STK24: variants seen among roughly 807,000 people sequenced by gnomAD.
The protein encoded by STK24 is serine/threonine kinase 24, also known as serine/threonine-protein kinase 24.
STK24 carries 21 observed loss-of-function variants against 55.6 expected under a neutral mutation model. The observed-to-expected ratio is 0.38, with a 90% confidence interval of 0.27 to 0.54. STK24 has a LOEUF of 0.54. Among genes scored for constraint, STK24 ranks in the 20% least tolerant of loss-of-function variants. The pLI is 0.79. For missense variants in STK24, 383 were observed against 538.4 expected (o/e 0.71, Z 2.86); for synonymous variants, 200 against 215.2 (o/e 0.93, Z 0.62).
At chr13:98,563,045 C>T (rs1897469726) in intron 1 of STK24, among the ~76,000 whole-genome samples, 1 of 152,088 alleles carries the variant, frequency 6.6e-6, no homozygotes, top group East Asian at 1.9e-4. Context: ...CCTTCTCAGG[C>T]CTCCCAAGAA....
chr13:98,555,014 C>CAAAAAAAAAAAAAAAAA (rs398024117), intron 1 of STK24, among the ~76,000 whole-genome samples: 1 of 88,342 alleles, frequency 1.1e-5, no homozygotes, highest in Non-Finnish European at 2.2e-5. Flanking sequence ...GACTCCAACT[C>CAAAAAAAAAAAAAAAAA]AAAAAAAAAA....
intron 2 of STK24, among the ~76,000 whole-genome samples, chr13:98,512,333 T>C (rs986685611): frequency 1.3e-5 from 2 of 152,058 alleles, no homozygotes; most frequent in Non-Finnish European, 2.9e-5. Flanking sequence ...TGCCATGAAC[T>C]GCAAAATATG....
At chr13:98,523,318 G>T (rs761537136) in intron 1 of STK24, among the ~76,000 whole-genome samples, 14 of 152,198 alleles carry the variant, frequency 9.2e-5, no homozygotes, top group Admixed American at 3.9e-4. Context: ...CAGGCGACAA[G>T]AATTTATCCA....
rs1257960664 is a variant in STK24, at chr13:98,544,679, A to G, written c.43-25206T>C. On this transcript the variant is annotated intron_variant, in intron 1 of 10. Transcript: ENST00000539966. ...CACCGAGGCATGCGGAGACGCCTCTACAAGGAAAGACAGTGGTGAAAAAGA... is the reference window on the plus strand; with the variant it reads ...CACCGAGGCATGCGGAGACGCCTCTGCAAGGAAAGACAGTGGTGAAAAAGA... 2.0e-5 allele frequency among the ~76,000 whole-genome samples: 3 copies of G among 152,360 alleles called. No homozygotes were observed. In the East Asian group the frequency reaches 5.8e-4, roughly 29 times the overall value.
In STK24 at chr13:98,446,854, A is replaced by C. The variant is rs1892874881; in HGVS notation, c.*6319T>G. ...CTTCCCACGCACAGGGCCCTGCAGA[A>C]GAGGACCCCCTCTTCCAAACATCAG... On this transcript the variant is annotated 3_prime_UTR_variant, in exon 11 of 11. Transcript: ENST00000539966. 2.5e-6 allele frequency: 4 copies of C among 1,607,708 alleles called. No homozygotes were observed. The highest frequency in any genetic ancestry group is 1.7e-4 in the Middle Eastern group (1 of 6,048).
In STK24 at chr13:98,566,268, G is replaced by A. The variant is rs374076753; in HGVS notation, c.42+10477C>T. 2.8e-4 allele frequency among the ~76,000 whole-genome samples: 43 copies of A among 152,336 alleles called. 3 individuals are homozygous for A. The East Asian group carries it at 4.2e-3, about 15-fold the overall frequency. ...AGGTTAAAAACAAGGAAATAAAAAC[G>A]CCCAAAACACCCTCTGTTCACAGCC... On this transcript the variant is annotated intron_variant, in intron 1 of 10. Transcript: ENST00000539966.
At chr13:98,483,107 G>A (rs867616972) in intron 2 of STK24, among the ~76,000 whole-genome samples, 1 of 152,206 alleles carries the variant, frequency 6.6e-6, no homozygotes, top group Non-Finnish European at 1.5e-5. Flanking sequence ...AAACAAGCCC[G>A]CAAACCTGTC....
chr13:98,571,161 C>T (rs553284053), intron 1 of STK24, among the ~76,000 whole-genome samples: 61 of 152,140 alleles, frequency 4.0e-4, no homozygotes, highest in Non-Finnish European at 6.9e-4. Flanking sequence ...TGTGTGTAAC[C>T]GCACAAGCAC....
rs181273370 is a variant in STK24 at position 98,446,276 on chromosome 13, T to C, written c.*6897A>G. The C allele has an allele frequency of 2.0e-3, 1,904 of 964,710 alleles. 8 individuals carry two copies. The highest frequency in any genetic ancestry group is 2.3e-3 in the Non-Finnish European group (1,399 of 611,078). 59.8% of individuals were successfully genotyped at this position (964,710 alleles called of 1,614,324 possible). On this transcript the variant is annotated 3_prime_UTR_variant, in exon 11 of 11. Transcript: ENST00000539966. ...GCAGCATGAGGTGAGGGGGCCGCCC[T>C]CCTCTGGAATGACTCAGGCCTCTTG...
intron 1 of STK24, among the ~76,000 whole-genome samples, chr13:98,529,068 C>T (rs1250391776): frequency 6.6e-6 from 1 of 152,194 alleles, no homozygotes; most frequent in Non-Finnish European, 1.5e-5. Flanking sequence ...CAACTGGGCA[C>T]GCAGGTGGAA....
chr13:98,488,856 G>T (rs1894908261), intron 2 of STK24, among the ~76,000 whole-genome samples: 1 of 152,212 alleles, frequency 6.6e-6, no homozygotes, highest in Non-Finnish European at 1.5e-5. Flanking sequence ...TAACAGTGAA[G>T]ATTTTAAAAC....
At chr13:98,510,616 C>G (rs1176623897) in intron 2 of STK24, among the ~76,000 whole-genome samples, 1 of 152,216 alleles carries the variant, frequency 6.6e-6, no homozygotes, top group African/African-American at 2.4e-5. Flanking sequence ...TTGACACATG[C>G]TGCAACAGAG....
intron 3 of STK24, among the ~76,000 whole-genome samples, chr13:98,479,417 C>T (rs554166168): frequency 1.3e-5 from 2 of 152,258 alleles, no homozygotes; most frequent in South Asian, 2.1e-4. Flanking sequence ...CACCTGAAAT[C>T]CCAAATTTGC....
At chr13:98,482,237 C>T (rs112757421) in intron 3 of STK24, 28 bp downstream of exon 3, 143 of 1,344,562 alleles carry the variant, frequency 1.1e-4, no homozygotes, top group Middle Eastern at 1.9e-4. Flanking sequence ...AGCTTTGATA[C>T]GTATTCTGCA....
chr13:98,476,456 A>G (rs550928394), intron 3 of STK24, among the ~76,000 whole-genome samples: 1 of 152,282 alleles, frequency 6.6e-6, no homozygotes, highest in South Asian at 2.1e-4. Context: ...ACACCCACAC[A>G]TTTTAGCCAA....
At chr13:98,506,556 C>G (rs1254372184) in intron 2 of STK24, among the ~76,000 whole-genome samples, 1 of 152,160 alleles carries the variant, frequency 6.6e-6, no homozygotes, top group African/African-American at 2.4e-5. Flanking sequence ...CAATGTCTCC[C>G]GTAGCCGAAG....
intron 2 of STK24, among the ~76,000 whole-genome samples, chr13:98,513,479 GA>G (rs1895953758): frequency 6.6e-6 from 1 of 152,174 alleles, no homozygotes; most frequent in African/African-American, 2.4e-5. Flanking sequence ...AACATCTGCA[GA>G]CACTGTCACC....
chr13:98,467,267 T>A lies in STK24; in HGVS notation c.598-706A>T, dbSNP rs542613093. Among the ~76,000 whole-genome samples the A allele has an allele frequency of 6.6e-5, 10 of 152,318 alleles. No individual in the cohort carries two copies. In the South Asian group the frequency reaches 2.1e-3, roughly 32 times the overall value. ...GAGCTTTGTCCATGTGTTCCCCGAGTATATTTTAAAATCAATCAGTCATCA... is the reference window on the plus strand; with the variant it reads ...GAGCTTTGTCCATGTGTTCCCCGAGAATATTTTAAAATCAATCAGTCATCA... On this transcript the variant is annotated intron_variant, in intron 5 of 10. Coordinates refer to ENST00000539966, the MANE Select transcript of STK24 (RefSeq NM_001032296.4).
intron 1 of STK24, among the ~76,000 whole-genome samples, chr13:98,565,792 A>G (rs894616740): frequency 5.9e-5 from 9 of 152,202 alleles, no homozygotes; most frequent in African/African-American, 2.2e-4. Context: ...AGAGCTCACT[A>G]CAGAGAATGG....
Sources: gnomAD v4.1 joint callset for allele counts (sites outside exome capture counted in the v4.1 genomes callset) on GRCh38, gnomAD v4.1.1 for gene constraint, MANE v1.5 for transcripts, NCBI Gene and HGNC (gene_info 2026-07-23, HGNC 2026-07-21) for gene names.